Variants in MYO3A observed in about 807,000 individuals in gnomAD.
The protein encoded by MYO3A is myosin IIIA, also known as myosin-IIIa.
MYO3A carries 180 observed loss-of-function variants against 192.7 expected under a neutral mutation model. The observed-to-expected ratio is 0.93, with a 90% CI of 0.83 to 1.06. The LOEUF (loss-of-function observed/expected upper bound fraction) is 1.06, where lower values mean the gene tolerates loss of function less well. Ranked by LOEUF, MYO3A falls within the 50% of genes least tolerant of loss-of-function variation. The probability of loss-of-function intolerance (pLI) is 0.00; values close to 1 mark genes in which losing one functional copy is unlikely to be tolerated. For missense variants in MYO3A, 1,896 were observed against 1,905.0 expected (o/e 1.00, Z 0.09); for synonymous variants, 628 against 645.3 (o/e 0.97, Z 0.41).
chr10:25,982,310 C>T (rs940293457), intron 4 of MYO3A, among the ~76,000 whole-genome samples: 5 of 152,154 alleles, frequency 3.3e-5, no homozygotes, highest in African/African-American at 1.2e-4. Context: ...TCTCTACCCA[C>T]TCTGGTAGCC....
intron 10 of MYO3A, among the ~76,000 whole-genome samples, chr10:26,046,140 T>C (rs1198059845): frequency 6.6e-6 from 1 of 152,144 alleles, no homozygotes; most frequent in Admixed American, 6.5e-5. Flanking sequence ...GAACCCTGAT[T>C]TATAGCGTTG....
At chr10:25,948,589 G>A (rs923704862) in intron 2 of MYO3A, among the ~76,000 whole-genome samples, 74 of 152,090 alleles carry the variant, frequency 4.9e-4, no homozygotes, top group African/African-American at 1.7e-3. Flanking sequence ...AAGTATTAGG[G>A]AAAATATATG....
chr10:26,172,430 C>G (rs1842097306), intron 29 of MYO3A, among the ~76,000 whole-genome samples: 1 of 152,194 alleles, frequency 6.6e-6, no homozygotes, highest in South Asian at 2.1e-4. Context: ...ACATGTTCCC[C>G]AGCCAGCCGC....
intron 1 of MYO3A, among the ~76,000 whole-genome samples, chr10:25,934,747 G>A (rs1274950381): frequency 2.7e-5 from 4 of 150,832 alleles, no homozygotes; most frequent in African/African-American, 9.8e-5. Context: ...ACCCGAGGAG[G>A]GAACGCGAGG....
At chr10:25,978,843 T>G (rs2130781848) in intron 4 of MYO3A, among the ~76,000 whole-genome samples, 1 of 152,354 alleles carries the variant, frequency 6.6e-6, no homozygotes, top group South Asian at 2.1e-4. Context: ...TATATTTATA[T>G]TTTCAGAAAG....
At position 26,120,779 on chromosome 10, in the gene MYO3A, C is replaced by A. The variant is rs780602554; in HGVS notation, c.1880C>A (p.Ser627Tyr). 17 of 1,613,960 alleles carry A rather than the reference C, an allele frequency of 1.1e-5. No homozygotes were observed. Among genetic ancestry groups the A allele is most frequent in the Middle Eastern group, 1.6e-4 (1 of 6,082 alleles). Residue 627 changes from serine to tyrosine, a missense_variant, in exon 18 of 35, where the codon TCT (serine) becomes TAT (tyrosine). Ser to Tyr is a moderately radical substitution (Grantham distance 144, BLOSUM62 -2). Coordinates refer to ENST00000642920, the MANE Select transcript of MYO3A (RefSeq NM_017433.5). ...CACCAGATTGACAAGAGCCACATTT[C>A]TAATCATACAGCCCTGGAGAACTGT... ...TEHQIDKSHI[S>Y]NHTALENCAS...
chr10:25,999,902 C>G (rs970968559), intron 6 of MYO3A, among the ~76,000 whole-genome samples: 2 of 152,204 alleles, frequency 1.3e-5, no homozygotes, highest in African/African-American at 2.4e-5. Flanking sequence ...AAACTTGTCT[C>G]TCTGTTAGAT....
chr10:26,128,210 A>G (rs547106306), intron 19 of MYO3A, among the ~76,000 whole-genome samples, 181 bp from the exon 20 acceptor site: 188 of 152,302 alleles, frequency 1.2e-3, no homozygotes, highest in African/African-American at 4.3e-3. Context: ...ATAAAAATCA[A>G]TATCTGCCGT....
intron 17 of MYO3A, among the ~76,000 whole-genome samples, chr10:26,117,833 T>A (rs975409367): frequency 6.8e-6 from 1 of 147,340 alleles, no homozygotes; most frequent in Non-Finnish European, 1.5e-5. Flanking sequence ...AATAGAAAAA[T>A]TTATATTCTT....
intron 6 of MYO3A, among the ~76,000 whole-genome samples, chr10:26,005,286 G>A (rs1409775577): frequency 1.3e-5 from 2 of 152,064 alleles, no homozygotes; most frequent in African/African-American, 4.8e-5. Flanking sequence ...TTCAGGAACA[G>A]TCTATAGAAC....
At chr10:26,061,755 G>C (rs1306002051) in intron 10 of MYO3A, among the ~76,000 whole-genome samples, 1 of 152,142 alleles carries the variant, frequency 6.6e-6, no homozygotes, top group Non-Finnish European at 1.5e-5. Context: ...GAGTGGAAGA[G>C]TGAGGGCACC....
In MYO3A at chr10:26,088,185, T is replaced by A. The variant is rs763198133; in HGVS notation, c.1360-18T>A. Reference sequence around the variant, plus strand: ...AATTTTTTATGTTTTTAAAAATATCTTAATATTTTCTATTTAGGCTAATAA... The same window carrying A: ...AATTTTTTATGTTTTTAAAAATATCATAATATTTTCTATTTAGGCTAATAA... On this transcript the variant is annotated intron_variant, in intron 14 of 34. Transcript: ENST00000642920. The A allele has an allele frequency of 1.3e-6, 2 of 1,539,704 alleles. No homozygotes were observed. The highest frequency in any genetic ancestry group is 1.2e-5 in the South Asian group (1 of 82,162).
At chr10:26,125,728 A>ATCATT in intron 19 of MYO3A, 120 bp downstream of exon 19, 8 of 883,860 alleles carry the variant, frequency 9.1e-6, no homozygotes, top group South Asian at 1.6e-5. Context: ...TAATTAAATT[A>ATCATT]TTAAAATGAT....
chr10:26,101,784 T>C (rs1280855886), intron 17 of MYO3A, among the ~76,000 whole-genome samples: 2 of 152,274 alleles, frequency 1.3e-5, no homozygotes, highest in African/African-American at 4.8e-5. Context: ...TCTGATGGAC[T>C]TCCCTTTGTG....
At chr10:26,046,901 A>G (rs1221545376) in intron 10 of MYO3A, among the ~76,000 whole-genome samples, 1 of 152,236 alleles carries the variant, frequency 6.6e-6, no homozygotes, top group Non-Finnish European at 1.5e-5. Context: ...AGTTAGTATT[A>G]AAATATGCTC....
intron 4 of MYO3A, among the ~76,000 whole-genome samples, chr10:25,963,423 G>A (rs2130665975): frequency 6.6e-6 from 1 of 152,292 alleles, no homozygotes; most frequent in South Asian, 2.1e-4. Context: ...AAGAAGATAA[G>A]TTAGAATGAA....
chr10:26,099,783 CTT>C (rs1376093770), intron 17 of MYO3A, among the ~76,000 whole-genome samples: 1 of 152,134 alleles, frequency 6.6e-6, no homozygotes, highest in African/African-American at 2.4e-5. Flanking sequence ...GGTGGATAAG[CTT>C]TTTGATGTGC....
chr10:26,042,470 G>A (rs1252795925), intron 10 of MYO3A, among the ~76,000 whole-genome samples: 2 of 151,988 alleles, frequency 1.3e-5, no homozygotes, highest in Non-Finnish European at 2.9e-5. Flanking sequence ...GGTATTTTTA[G>A]ATCCTGTAGT....
In MYO3A at chr10:26,039,678, A is replaced by G. The variant is rs567062757; in HGVS notation, c.953+13146A>G. Among the ~76,000 whole-genome samples, 5 of 152,170 alleles carry G rather than the reference A, an allele frequency of 3.3e-5. No homozygotes were observed. In the South Asian group the frequency reaches 1.0e-3, roughly 32 times the overall value. ...TCAATTTATTGATGTATATTTGCTC[A>G]TATTAGCTACCAAAGATCCTTTGAA... On this transcript the variant is annotated intron_variant, in intron 10 of 34. Transcript: ENST00000642920.
Sources: allele counts gnomAD v4.1 joint callset (sites outside exome capture counted in the v4.1 genomes callset), GRCh38; gene constraint gnomAD v4.1.1; transcripts MANE v1.5; gene names NCBI Gene and HGNC (gene_info 2026-07-23, HGNC 2026-07-21).